Variants in KCTD1 observed in about 807,000 individuals in gnomAD.
KCTD1 encodes BTB/POZ domain-containing protein KCTD1.
In KCTD1, 24 loss-of-function variants were observed where a neutral mutation model predicts 66.0. The ratio of observed to expected loss-of-function variants is 0.36; its 90% CI spans 0.26 to 0.51. The LOEUF (loss-of-function observed/expected upper bound fraction) is 0.51, where lower values mean the gene tolerates loss of function less well. Among genes scored for constraint, KCTD1 ranks in the 20% least tolerant of loss-of-function variants. KCTD1 has a pLI of 0.95. For synonymous variants in KCTD1, 511 were observed against 517.2 expected (o/e 0.99, Z 0.16); for missense variants, 943 against 1,205.2 (o/e 0.78, Z 3.22).
chr18:26,615,546 G>A (rs1987230950), intron 1 of KCTD1, among the ~76,000 whole-genome samples: 1 of 152,166 alleles, frequency 6.6e-6, no homozygotes, highest in Non-Finnish European at 1.5e-5. Flanking sequence ...AGCTGGAACA[G>A]GAAATATCAA....
At chr18:26,605,001 G>C (rs866564455) in intron 1 of KCTD1, among the ~76,000 whole-genome samples, 1 of 152,016 alleles carries the variant, frequency 6.6e-6, no homozygotes, top group Non-Finnish European at 1.5e-5. Context: ...TCACTACCCT[G>C]CCATCCTCAG....
chr18:26,558,913 A>G (rs1357366024), intron 1 of KCTD1, among the ~76,000 whole-genome samples: 1 of 151,804 alleles, frequency 6.6e-6, no homozygotes, highest in Non-Finnish European at 1.5e-5. Flanking sequence ...ACAGAGCAAG[A>G]CTCCGTCTCA....
At chr18:26,513,366 C>G (rs1441481639) in intron 1 of KCTD1, among the ~76,000 whole-genome samples, 2 of 152,072 alleles carry the variant, frequency 1.3e-5, no homozygotes, top group African/African-American at 4.8e-5. Flanking sequence ...GGATTACAGG[C>G]GTGAGCCACC....
upstream of KCTD1, chr18:26,549,589 T>C: frequency 2.0e-6 from 1 of 511,300 alleles, no homozygotes; most frequent in Non-Finnish European, 2.5e-6. Flanking sequence ...GTGACACAAC[T>C]CCCTCGGGCG....
At chr18:26,513,083 A>T (rs1033283849) in intron 1 of KCTD1, among the ~76,000 whole-genome samples, 2 of 147,782 alleles carry the variant, frequency 1.4e-5, no homozygotes, top group Non-Finnish European at 3.0e-5. Context: ...TTATAAATCC[A>T]GGGTGTATTT....
At chr18:26,548,678 C>T, upstream of KCTD1, 1 of 1,046,942 alleles carries the variant, frequency 9.6e-7, no homozygotes, top group Non-Finnish European at 1.2e-6. Context: ...ATTGTCATTC[C>T]CGAGCGCAGC....
rs563634613 is a variant in KCTD1, at chr18:26,455,007, C to G, written c.*736G>C. ...TAAACAGAGTTTATTGTATTTAATA[C>G]ATTATAAAATTTGAAAAATTGTAGG... is the stretch of plus-strand genomic sequence containing the variant. On this transcript the variant is annotated 3_prime_UTR_variant, in exon 5 of 5. Transcript: ENST00000580059. The G allele has an allele frequency of 7.9e-5, 12 of 152,748 alleles. No individual in the cohort carries two copies. In the East Asian group the frequency reaches 2.3e-3, roughly 29 times the overall value. The allele number at this position is 152,748 out of a possible 1,614,324, so 9.5% of individuals were successfully genotyped here.
rs1257212272 is a variant in KCTD1, at chr18:26,548,055, T to G, written c.482A>C (p.Gln161Pro). The change falls in exon 1 of 5, where the codon CAG (glutamine) becomes CCG (proline). Residue 161 changes from glutamine (Q) to proline (P), a missense_variant. Gln to Pro is a moderately conservative substitution (Grantham distance 76, BLOSUM62 -1). Coordinates refer to ENST00000580059, the MANE Select transcript of KCTD1 (RefSeq NM_001142730.3). ...DGSELDPDVL[Q>P]RPERARLSEN... The stretch of plus-strand genomic sequence containing the variant: ...GCTCAGCCGGGCCCGCTCGGGGCGC[T>G]GCAGCACGTCGGGGTCCAGCTCGGA... 1 of 1,500,234 alleles carries G rather than the reference T, an allele frequency of 6.7e-7. No individual in the cohort carries two copies. The highest frequency in any genetic ancestry group is 2.5e-5 in the East Asian group (1 of 40,400). 92.9% of individuals were successfully genotyped at this position (1,500,234 alleles called of 1,614,324 possible).
At chr18:26,598,577 T>C (rs1986821851) in intron 1 of KCTD1, among the ~76,000 whole-genome samples, 1 of 152,166 alleles carries the variant, frequency 6.6e-6, no homozygotes, top group Admixed American at 6.6e-5. Context: ...TTCAAAATTG[T>C]TTCCAAAGCA....
chr18:26,459,571 A>T, intron 4 of KCTD1, 49 bp downstream of exon 4: 1 of 1,515,268 alleles, frequency 6.6e-7, no homozygotes, highest in Non-Finnish European at 8.9e-7. Flanking sequence ...GTTAAGTGAC[A>T]ACAGTAAGAG....
intron 4 of KCTD1, 47 bp from the exon 5 acceptor site, chr18:26,455,948 T>C: frequency 6.4e-7 from 1 of 1,557,316 alleles, no homozygotes; most frequent in South Asian, 1.1e-5. Context: ...AGGTAAGTCC[T>C]ATGGCTACAT....
chr18:26,560,483 C>T (rs1414886750), intron 1 of KCTD1, among the ~76,000 whole-genome samples: 1 of 152,152 alleles, frequency 6.6e-6, no homozygotes, highest in Non-Finnish European at 1.5e-5. Flanking sequence ...AGATCCTTTT[C>T]CAAAAGAACC....
intron 1 of KCTD1, among the ~76,000 whole-genome samples, chr18:26,623,955 G>A (rs753605024): frequency 3.9e-5 from 6 of 152,218 alleles, no homozygotes; most frequent in African/African-American, 1.4e-4. Context: ...TGACATGGAC[G>A]ATGAAGTCCA....
chr18:26,537,322 T>A (rs938118534), intron 1 of KCTD1, among the ~76,000 whole-genome samples: 1 of 152,174 alleles, frequency 6.6e-6, no homozygotes, highest in African/African-American at 2.4e-5. Flanking sequence ...GAAGCCAATA[T>A]TCCATATAAA....
At chr18:26,550,944 C>T (rs1985542833), upstream of KCTD1, among the ~76,000 whole-genome samples, 1 of 152,222 alleles carries the variant, frequency 6.6e-6, no homozygotes, top group South Asian at 2.1e-4. This position sits in a 1 kb window ranked among gnomAD's most constrained non-coding sequence, Gnocchi z 5.4. Context: ...CCCCCGCGAC[C>T]CTCGCCATAA....
At chr18:26,534,677 G>A (rs1026482648) in intron 1 of KCTD1, among the ~76,000 whole-genome samples, 1 of 152,042 alleles carries the variant, frequency 6.6e-6, no homozygotes, top group Non-Finnish European at 1.5e-5. Context: ...TAATACAAGT[G>A]TATTTGTATT....
upstream of KCTD1, among the ~76,000 whole-genome samples, chr18:26,645,013 C>A (rs17607358): frequency 0.37 from 56,079 of 151,956 alleles, 11,683 homozygotes; most frequent in Non-Finnish European, 0.48. Context: ...CAAGGCACTG[C>A]AAAATAGGGC....
At chr18:26,593,735 A>T (rs1986696264) in intron 1 of KCTD1, among the ~76,000 whole-genome samples, 1 of 135,970 alleles carries the variant, frequency 7.4e-6, no homozygotes, top group Non-Finnish European at 1.6e-5. Flanking sequence ...GAGAAAGATG[A>T]GGAGGAGGAA....
intron 1 of KCTD1, among the ~76,000 whole-genome samples, chr18:26,650,022 G>GT (rs1356994436): frequency 1.3e-5 from 2 of 151,986 alleles, no homozygotes; most frequent in Non-Finnish European, 2.9e-5. Context: ...ATTTCATAGC[G>GT]TAAGTGTCTG....
Sources: gnomAD v4.1 joint callset for allele counts (sites outside exome capture counted in the v4.1 genomes callset) on GRCh38, gnomAD v4.1.1 for gene constraint, Gnocchi (gnomAD v3.1) non-coding constraint, MANE v1.5 for transcripts, NCBI Gene and HGNC (gene_info 2026-07-23, HGNC 2026-07-21) for gene names.